The following CDH12 variants were observed in gnomAD, a reference collection of about 807,000 sequenced individuals.
CDH12 encodes the protein cadherin-12.
A neutral mutation model predicts 74.1 loss-of-function variants in CDH12; 41 were observed. That is an observed-to-expected ratio of 0.55 (90% CI 0.43 to 0.72). The LOEUF is 0.72. Among genes scored for constraint, CDH12 ranks in the 30% least tolerant of loss-of-function variants. The pLI is 0.00. For synonymous variants in CDH12, 399 were observed against 355.0 expected (o/e 1.12, Z -1.39); for missense variants, 945 against 977.2 (o/e 0.97, Z 0.44).
intron 6 of CDH12, among the ~76,000 whole-genome samples, chr5:21,908,051 CTGA>C (rs1282699549): frequency 6.6e-6 from 1 of 152,142 alleles, no homozygotes; most frequent in Non-Finnish European, 1.5e-5. Context: ...TTGTGCCGCT[CTGA>C]TGGTGGCCTT....
intron 3 of CDH12, among the ~76,000 whole-genome samples, chr5:22,232,374 T>A (rs1226407809): frequency 6.6e-6 from 1 of 151,860 alleles, no homozygotes; most frequent in Non-Finnish European, 1.5e-5. Flanking sequence ...GTGAGTATTA[T>A]GCCTTCTAAA....
At chr5:22,059,019 C>T (rs1205998584) in intron 5 of CDH12, among the ~76,000 whole-genome samples, 2 of 152,016 alleles carry the variant, frequency 1.3e-5, no homozygotes, top group Non-Finnish European at 2.9e-5. Flanking sequence ...ACGAGTACAG[C>T]TGTAGACATA....
Position 22,698,412 on chromosome 5 carries a change from T to C in CDH12, c.-523+154646A>G, listed in dbSNP as rs1426884678. 3.3e-5 allele frequency among the ~76,000 whole-genome samples: 5 copies of C among 151,426 alleles called. No individual in the cohort carries two copies. The East Asian group carries it at 9.8e-4, about 30-fold the overall frequency. Reference sequence around the variant, plus strand: ...CTGGGATTACAGGAGTGAGCCACCGTGTCTGGCCAAAGGCCAGCTTTTTAC... The same window carrying C: ...CTGGGATTACAGGAGTGAGCCACCGCGTCTGGCCAAAGGCCAGCTTTTTAC... On this transcript the variant is annotated intron_variant, in intron 1 of 14. Coordinates refer to ENST00000382254, the MANE Select transcript of CDH12 (RefSeq NM_004061.5).
At chr5:22,129,118 A>G (rs1746038215) in intron 4 of CDH12, among the ~76,000 whole-genome samples, 1 of 152,232 alleles carries the variant, frequency 6.6e-6, no homozygotes, top group East Asian at 1.9e-4. Flanking sequence ...ATTGTCATGA[A>G]CAAAGTTGTA....
At position 21,805,163 on chromosome 5, in the gene CDH12, C is replaced by T. The variant is rs369473551; in HGVS notation, c.1003-2743G>A. 1.1e-4 allele frequency among the ~76,000 whole-genome samples: 16 copies of T among 152,198 alleles called. 1 individual carries two copies. The East Asian group carries it at 1.6e-3, about 15-fold the overall frequency. On this transcript the variant is annotated intron_variant, in intron 9 of 14. Coordinates refer to ENST00000382254, the MANE Select transcript of CDH12 (RefSeq NM_004061.5). Reference sequence around the variant, plus strand: ...ATTAACTTCTATCTTAGAATGTAAACGTTTGTACCAATCATTCCCCATTTC... The same window carrying T: ...ATTAACTTCTATCTTAGAATGTAAATGTTTGTACCAATCATTCCCCATTTC...
chr5:22,299,840 T>C (rs1215404266), intron 3 of CDH12, among the ~76,000 whole-genome samples: 1 of 152,168 alleles, frequency 6.6e-6, no homozygotes, highest in African/African-American at 2.4e-5. Flanking sequence ...AATGATTTAG[T>C]GATAAAAGAG....
chr5:22,787,771 G>A (rs1159574709), intron 1 of CDH12, among the ~76,000 whole-genome samples: 3 of 152,094 alleles, frequency 2.0e-5, no homozygotes, highest in African/African-American at 7.2e-5. Flanking sequence ...ATGCACATAC[G>A]GCTGTTAGCA....
intron 4 of CDH12, among the ~76,000 whole-genome samples, chr5:22,161,425 T>G (rs573229161): frequency 6.6e-6 from 1 of 152,134 alleles, no homozygotes; most frequent in Non-Finnish European, 1.5e-5. Context: ...TGGCTGGGCA[T>G]GTTAGCTCAC....
intron 1 of CDH12, among the ~76,000 whole-genome samples, chr5:22,747,367 T>C (rs189862504): frequency 6.6e-6 from 1 of 150,896 alleles, no homozygotes; most frequent in Admixed American, 6.6e-5. Context: ...CTCACACCTG[T>C]AATCTGAGCA....
rs533412830 is a variant in CDH12 at position 22,039,054 on chromosome 5, A to T, written c.231+39392T>A. 2.1e-4 allele frequency among the ~76,000 whole-genome samples: 32 copies of T among 151,992 alleles called. 1 individual carries two copies. Among genetic ancestry groups the T allele is most frequent in the East Asian group, 1.6e-3 (8 of 5,156 alleles). On this transcript the variant is annotated intron_variant, in intron 5 of 14. Transcript: ENST00000382254. ...CCAACAGGGTTCAAGCAACAGCTGC[A>T]CTCCACATGGTGGTCATGCTGCCAC...
intron 8 of CDH12, among the ~76,000 whole-genome samples, chr5:21,834,536 G>T (rs941885630): frequency 6.6e-6 from 1 of 151,870 alleles, no homozygotes; most frequent in Non-Finnish European, 1.5e-5. Flanking sequence ...AGTGTTAACT[G>T]TTGGAAATTA....
At chr5:21,761,099 T>A (rs1744692149) in intron 12 of CDH12, among the ~76,000 whole-genome samples, 1 of 152,156 alleles carries the variant, frequency 6.6e-6, no homozygotes, top group Non-Finnish European at 1.5e-5. Context: ...TTATGTTTTG[T>A]AACAATGGCT....
At chr5:22,782,799 G>A (rs1472175267) in intron 1 of CDH12, among the ~76,000 whole-genome samples, 1 of 152,078 alleles carries the variant, frequency 6.6e-6, no homozygotes, top group Admixed American at 6.6e-5. Flanking sequence ...CACAGGATTT[G>A]GTGGAGCAGC....
chr5:22,575,475 C>T (rs543912494), intron 1 of CDH12, among the ~76,000 whole-genome samples: 1 of 152,156 alleles, frequency 6.6e-6, no homozygotes, highest in East Asian at 1.9e-4. Context: ...TCTCTGCAGC[C>T]TCCATCTCCT....
intron 1 of CDH12, among the ~76,000 whole-genome samples, chr5:22,673,492 A>G (rs1741010530): frequency 6.6e-6 from 1 of 152,040 alleles, no homozygotes; most frequent in Non-Finnish European, 1.5e-5. Flanking sequence ...TATAATGGTA[A>G]ATTTTGTATC....
intron 6 of CDH12, among the ~76,000 whole-genome samples, chr5:21,943,042 A>G (rs1302563090): frequency 6.6e-6 from 1 of 151,990 alleles, no homozygotes; most frequent in Non-Finnish European, 1.5e-5. Context: ...ATGAGATCTG[A>G]TGGTTTTACA....
rs118142710 is a variant in CDH12 at position 22,787,871 on chromosome 5, G to A, written c.-523+65187C>T. On this transcript the variant is annotated intron_variant, in intron 1 of 14. Transcript: ENST00000382254. ...CTGGCTTCCCTCAGTGGGGAAGAAA[G>A]CAAAAGAAGGCAAGAGAGAGAAAAA... Among the ~76,000 whole-genome samples the A allele has an allele frequency of 1.6e-3, 237 of 152,250 alleles. 4 individuals are homozygous for A. The East Asian group carries it at 0.042, about 27-fold the overall frequency.
At chr5:22,440,139 GA>G (rs1744566442) in intron 2 of CDH12, among the ~76,000 whole-genome samples, 3 of 152,016 alleles carry the variant, frequency 2.0e-5, no homozygotes, top group Non-Finnish European at 4.4e-5. Flanking sequence ...AATCTATTGA[GA>G]AGTGTTAGAG....
intron 2 of CDH12, among the ~76,000 whole-genome samples, chr5:22,426,595 T>C (rs904985271): frequency 6.6e-6 from 1 of 152,158 alleles, no homozygotes; most frequent in Non-Finnish European, 1.5e-5. Flanking sequence ...TGTGGATAAA[T>C]ATACTGGAGT....
Sources: gnomAD v4.1 joint callset for allele counts (sites outside exome capture counted in the v4.1 genomes callset) on GRCh38, gnomAD v4.1.1 for gene constraint, MANE v1.5 for transcripts, NCBI Gene and HGNC (gene_info 2026-07-23, HGNC 2026-07-21) for gene names.